Variants in ZMAT4 observed in about 807,000 individuals in gnomAD.
ZMAT4 encodes zinc finger matrin-type 4, also known as zinc finger matrin-type protein 4.
ZMAT4 carries 17 observed loss-of-function variants against 28.7 expected under a neutral mutation model. That is an observed-to-expected ratio of 0.59 (90% CI 0.41 to 0.89). ZMAT4 has a LOEUF of 0.89. Ranked by LOEUF, ZMAT4 falls within the 40% of genes least tolerant of loss-of-function variation. The pLI, the probability that ZMAT4 is intolerant of heterozygous loss-of-function variation, is 0.00. For missense variants in ZMAT4, 240 were observed against 283.8 expected (o/e 0.85, Z 1.11); for synonymous variants, 117 against 109.2 (o/e 1.07, Z -0.44).
chr8:40,627,875 T>G (rs1015969046), intron 5 of ZMAT4, among the ~76,000 whole-genome samples: 1 of 152,172 alleles, frequency 6.6e-6, no homozygotes, highest in African/African-American at 2.4e-5. Context: ...TCCATAGCTG[T>G]GAAGGCAGGA....
At chr8:40,751,442 C>G (rs1440208983) in intron 3 of ZMAT4, among the ~76,000 whole-genome samples, 1 of 151,892 alleles carries the variant, frequency 6.6e-6, no homozygotes, top group Admixed American at 6.6e-5. Flanking sequence ...AGAACTCACT[C>G]ACTCTCATGA....
At chr8:40,723,723 A>G (rs1051219429) in intron 3 of ZMAT4, among the ~76,000 whole-genome samples, 5 of 152,134 alleles carry the variant, frequency 3.3e-5, no homozygotes, top group African/African-American at 2.4e-5. Context: ...TAGGTAACAT[A>G]TTTATAAATC....
intron 3 of ZMAT4, among the ~76,000 whole-genome samples, chr8:40,762,365 G>A (rs938840812): frequency 2.0e-5 from 3 of 152,198 alleles, no homozygotes; most frequent in Non-Finnish European, 2.9e-5. Context: ...GATACACACA[G>A]AGAAGAAGGC....
intron 3 of ZMAT4, among the ~76,000 whole-genome samples, chr8:40,755,939 A>T (rs962489404): frequency 2.0e-5 from 3 of 152,168 alleles, no homozygotes; most frequent in Admixed American, 6.5e-5. Flanking sequence ...ACTAAATCGC[A>T]TCTATTGATT....
intron 3 of ZMAT4, among the ~76,000 whole-genome samples, chr8:40,760,569 G>T (rs1563465149): frequency 6.6e-6 from 1 of 152,118 alleles, no homozygotes; most frequent in African/African-American, 2.4e-5. Context: ...AAAGAAGTCA[G>T]AAAAAACAAA....
chr8:40,700,819 G>A (rs1013392998), intron 3 of ZMAT4, among the ~76,000 whole-genome samples: 1 of 152,068 alleles, frequency 6.6e-6, no homozygotes, highest in Non-Finnish European at 1.5e-5. Context: ...ACAGAACATG[G>A]AATTATTGCA....
intron 5 of ZMAT4, among the ~76,000 whole-genome samples, chr8:40,591,979 A>G (rs1180765249): frequency 3.9e-3 from 1 of 254 alleles, no homozygotes; most frequent in Non-Finnish European, 0.028. Context: ...CTTTTATGGA[A>G]AAAAAAAAAT....
At chr8:40,776,430 C>T (rs905843763) in intron 2 of ZMAT4, among the ~76,000 whole-genome samples, 3 of 152,148 alleles carry the variant, frequency 2.0e-5, no homozygotes, top group Non-Finnish European at 2.9e-5. Flanking sequence ...ACTACATCAA[C>T]GTGTTACAAT....
intron 5 of ZMAT4, among the ~76,000 whole-genome samples, chr8:40,626,471 A>T (rs1806384997): frequency 1.3e-5 from 2 of 152,316 alleles, no homozygotes; most frequent in South Asian, 4.1e-4. Flanking sequence ...AAATTCCTGA[A>T]CATATAAAAC....
At chr8:40,819,735 C>T (rs529740556) in intron 2 of ZMAT4, among the ~76,000 whole-genome samples, 1 of 152,056 alleles carries the variant, frequency 6.6e-6, no homozygotes, top group Non-Finnish European at 1.5e-5. Context: ...GCATGTATGG[C>T]TGGCTTGATG....
At chr8:40,824,618 A>T (rs1279342891) in intron 2 of ZMAT4, among the ~76,000 whole-genome samples, 2 of 151,712 alleles carry the variant, frequency 1.3e-5, no homozygotes, top group Non-Finnish European at 2.9e-5. Flanking sequence ...AGAAAGAAAG[A>T]AAGGAAGAAA....
chr8:40,649,097 A>G (rs1187958697), intron 5 of ZMAT4, among the ~76,000 whole-genome samples: 2 of 144,210 alleles, frequency 1.4e-5, no homozygotes, highest in South Asian at 2.4e-4. Context: ...ATGTAAATGG[A>G]CTAAATGCTC....
intron 1 of ZMAT4, among the ~76,000 whole-genome samples, chr8:40,883,348 A>G (rs2150665646): frequency 6.6e-6 from 1 of 152,270 alleles, no homozygotes; most frequent in African/African-American, 2.4e-5. Flanking sequence ...TGGAAATAGA[A>G]CCATTAGGTG....
intron 5 of ZMAT4, among the ~76,000 whole-genome samples, chr8:40,669,836 G>A (rs376602591): frequency 1.7e-4 from 26 of 152,184 alleles, no homozygotes; most frequent in African/African-American, 5.5e-4. Context: ...TGTACTTGGC[G>A]ACACATTTAA....
intron 6 of ZMAT4, among the ~76,000 whole-genome samples, chr8:40,552,018 A>G (rs1803383256): frequency 6.6e-6 from 1 of 152,196 alleles, no homozygotes; most frequent in African/African-American, 2.4e-5. Context: ...ATCGCTGCTC[A>G]ACAAATGCCG....
intron 2 of ZMAT4, among the ~76,000 whole-genome samples, chr8:40,813,668 C>A (rs1292713946): frequency 2.0e-5 from 3 of 152,188 alleles, no homozygotes; most frequent in African/African-American, 4.8e-5. Context: ...GTGAGTCAGA[C>A]AAAAGGTATT....
chr8:40,706,274 T>G (rs993464607), intron 3 of ZMAT4, among the ~76,000 whole-genome samples: 2 of 152,146 alleles, frequency 1.3e-5, no homozygotes, highest in African/African-American at 4.8e-5. Context: ...CAGGATGGTC[T>G]CAATCTCCTG....
At chr8:40,890,375 C>T (rs1440318876) in intron 1 of ZMAT4, among the ~76,000 whole-genome samples, 3 of 152,124 alleles carry the variant, frequency 2.0e-5, no homozygotes, top group African/African-American at 7.2e-5. Flanking sequence ...ACACTATGAC[C>T]TTTCTTTGTC....
chr8:40,744,950 A>AT, intron 3 of ZMAT4, among the ~76,000 whole-genome samples: 1 of 152,336 alleles, frequency 6.6e-6, no homozygotes, highest in East Asian at 1.9e-4. Context: ...AGATCCTTAC[A>AT]TAAGAAAGGC....
Sources: allele counts gnomAD v4.1 joint callset (sites outside exome capture counted in the v4.1 genomes callset), GRCh38; gene constraint gnomAD v4.1.1; transcripts MANE v1.5; gene names NCBI Gene and HGNC (gene_info 2026-07-23, HGNC 2026-07-21).